ADCY4: variants seen among roughly 807,000 people sequenced by gnomAD.
The protein encoded by ADCY4 is adenylate cyclase 4.
In ADCY4, 111 loss-of-function variants were observed where a neutral mutation model predicts 125.5. The observed-to-expected ratio is 0.88, with a 90% CI of 0.76 to 1.04. The LOEUF is 1.04. ADCY4 is among the 50% of genes least tolerant of loss of function. ADCY4 has a pLI of 0.00. For synonymous variants in ADCY4, 576 were observed against 586.9 expected (o/e 0.98, Z 0.27); for missense variants, 1,256 against 1,382.9 (o/e 0.91, Z 1.46).
At chr14:24,332,307 C>T (rs1259689946) in intron 3 of ADCY4, 1 of 518,258 alleles carries the variant, frequency 1.9e-6, no homozygotes, top group Non-Finnish European at 3.3e-6. Flanking sequence ...GGGTAAACCA[C>T]GACACGACTC....
At chr14:24,325,307 G>A (rs2041924688) in intron 14 of ADCY4, 70 bp downstream of exon 14, 1 of 1,327,114 alleles carries the variant, frequency 7.5e-7, no homozygotes, top group Non-Finnish European at 1.1e-6. Flanking sequence ...AGAAAGTGTG[G>A]CCCGGGGTCA....
At position 24,322,049 on chromosome 14, in the gene ADCY4, A is replaced by G. The variant is rs1266509602; in HGVS notation, c.2586+17T>C. Reference sequence around the variant, plus strand: ...CTATGGCATCCGTGGCTCAGGAGTCAGGGGGTCAGGAGTCACCTCGTTGCG... The same window carrying G: ...CTATGGCATCCGTGGCTCAGGAGTCGGGGGGTCAGGAGTCACCTCGTTGCG... On this transcript the variant is annotated intron_variant, in intron 20 of 24. Transcript: ENST00000418030. 1 of 1,600,456 alleles carries G rather than the reference A, an allele frequency of 6.2e-7. No individual in the cohort carries two copies. Among genetic ancestry groups the G allele is most frequent in the East Asian group, 2.2e-5 (1 of 44,584 alleles).
Position 24,319,005 on chromosome 14 carries a change from A to G in ADCY4, c.2956+93T>C. 6.6e-7 allele frequency: 1 copy of G among 1,503,962 alleles called. No individual in the cohort carries two copies. The highest frequency in any genetic ancestry group is 9.2e-7 in the Non-Finnish European group (1 of 1,091,598). 93.2% of individuals were successfully genotyped at this position (1,503,962 alleles called of 1,614,324 possible). On this transcript the variant is annotated intron_variant, in intron 23 of 24. Transcript: ENST00000418030. This position sits in a 1 kb window ranked among gnomAD's most constrained non-coding sequence, Gnocchi z 4.5. ...AGTGAGTCAGGAAAGGGGCTTCAGG[A>G]TGAACTGGGAGCAGCTAACAAAGGA...
intron 6 of ADCY4, 47 bp downstream of exon 6, chr14:24,330,971 A>C (rs749815016): frequency 5.2e-6 from 8 of 1,534,726 alleles, no homozygotes; most frequent in Non-Finnish European, 4.4e-6. Context: ...GCTACCCAGG[A>C]TGGGATGTTT....
chr14:24,331,784 T>G lies in ADCY4; in HGVS notation c.669+4A>C, dbSNP rs1566440900. ...CTGCTCTGACCTTCCTAGGCCCGGC[T>G]GACCTGGTGCTTCTTCTCGGTGTCC... On this transcript the variant is annotated splice_donor_region_variant and intron_variant, in intron 4 of 24. Transcript: ENST00000418030. 1 of 1,574,588 alleles carries G rather than the reference T, an allele frequency of 6.4e-7. No individual in the cohort carries two copies. Among genetic ancestry groups the G allele is most frequent in the Non-Finnish European group, 8.7e-7 (1 of 1,153,920 alleles).
At position 24,319,139 on chromosome 14, in the gene ADCY4, A is replaced by G. The variant is rs1270582932; in HGVS notation, c.2915T>C (p.Val972Ala). The change falls in exon 23 of 25, where the codon GTC (valine) becomes GCC (alanine). Residue 972 changes from valine to alanine, a missense_variant. Val to Ala is a moderately conservative substitution (Grantham distance 64). Coordinates refer to ENST00000418030, the MANE Select transcript of ADCY4 (RefSeq NM_001198568.2). The surrounding 1 kb of genome is among the most constrained non-coding windows in gnomAD (Gnocchi z 4.5). ...GTTGTTGAATGAATGCTTGTTGATG[A>G]CGTCCAGCTTAGACCCCAGGGCCAC... ...FAVALGSKLD[V>A]INKHSFNNFR... 1.2e-6 allele frequency: 2 copies of G among 1,614,004 alleles called. No homozygotes were observed. Among genetic ancestry groups the G allele is most frequent in the Admixed American group, 1.7e-5 (1 of 60,020 alleles).
chr14:24,318,886 A>ACCCC, intron 23 of ADCY4, 108 bp from the exon 24 acceptor site: 1 of 1,518,582 alleles, frequency 6.6e-7, no homozygotes, highest in Non-Finnish European at 9.0e-7. Flanking sequence ...AGAGGAGAGG[A>ACCCC]GGGGTCTCTA....
intron 19 of ADCY4, 188 bp from the exon 20 acceptor site, chr14:24,322,412 G>C (rs2041866362): frequency 7.0e-6 from 6 of 859,938 alleles, no homozygotes; most frequent in Non-Finnish European, 1.1e-5. Context: ...TAGGGATAGA[G>C]AATTGGCAGC....
At chr14:24,318,832 G>C in intron 23 of ADCY4, 54 bp from the exon 24 acceptor site, 1 of 1,610,468 alleles carries the variant, frequency 6.2e-7, no homozygotes, top group African/African-American at 1.3e-5. Flanking sequence ...GGAAGAGGAA[G>C]CCACAAGGAA....
intron 14 of ADCY4, 129 bp from the exon 15 acceptor site, chr14:24,324,520 G>A: frequency 9.6e-7 from 1 of 1,046,948 alleles, no homozygotes. Flanking sequence ...TGGCGATGGG[G>A]TCCCGGCTGA....
chr14:24,332,110 A>T, intron 3 of ADCY4, 173 bp from the exon 4 acceptor site: 1 of 762,528 alleles, frequency 1.3e-6, no homozygotes, highest in East Asian at 3.3e-5. Context: ...CCCTTCCCAG[A>T]TGCTCCCTCC....
Position 24,325,817 on chromosome 14 carries a change from C to G in ADCY4, c.1725+1G>C, listed in dbSNP as rs780129000. ...TTGGTGCCACCCACACCACAGCCCA[C>G]CTCTTTCTCCATCTCCTTCTCTCTG... On this transcript the variant is annotated splice_donor_variant, in intron 13 of 24. Coordinates refer to ENST00000418030, the MANE Select transcript of ADCY4 (RefSeq NM_001198568.2). LOFTEE classifies it high-confidence loss of function. 6.5e-5 allele frequency: 103 copies of G among 1,594,226 alleles called. No individual in the cohort carries two copies. Among genetic ancestry groups the G allele is most frequent in the Non-Finnish European group, 8.6e-5 (101 of 1,168,222 alleles).
In ADCY4 at chr14:24,325,434, G is replaced by A. The variant is rs1372784890; in HGVS notation, c.1766C>T (p.Ala589Val). The A allele has an allele frequency of 6.2e-7, 1 of 1,613,756 alleles. No individual in the cohort carries two copies. Among genetic ancestry groups the A allele is most frequent in the Admixed American group, 1.7e-5 (1 of 59,974 alleles). The change falls in exon 14 of 25, where the codon GCC becomes GTC. Residue 589 changes from alanine to valine, a missense_variant. Physicochemically the swap from Ala to Val is moderately conservative, Grantham distance 64. Coordinates refer to ENST00000418030, the MANE Select transcript of ADCY4 (RefSeq NM_001198568.2). ...GGAGAGAAAAACCAGGAAGGTGCAG[G>A]CTTCATAGTATTTGAAGGCGGGGAT... ...SAIPAFKYYE[A>V]CTFLVFLSNF...
chr14:24,321,263 TA>T (rs1594649322), intron 20 of ADCY4, among the ~76,000 whole-genome samples: 1 of 134,712 alleles, frequency 7.4e-6, no homozygotes, highest in African/African-American at 2.8e-5. Flanking sequence ...AAAAAAAATA[TA>T]AAAAAAATTA....
At chr14:24,330,536 A>G in intron 6 of ADCY4, 2 of 501,936 alleles carry the variant, frequency 4.0e-6, no homozygotes, top group Non-Finnish European at 7.0e-6. Flanking sequence ...CACTTTTGGC[A>G]TGTTGAAGGG....
intron 10 of ADCY4, chr14:24,328,789 C>T (rs1451378970): frequency 6.8e-6 from 3 of 444,350 alleles, no homozygotes; most frequent in Non-Finnish European, 1.2e-5. Flanking sequence ...CAGGGAGAGA[C>T]CCACCGACCC....
At position 24,332,926 on chromosome 14, in the gene ADCY4, C is replaced by A; in HGVS notation, c.222G>T (p.Leu74=). 1.9e-6 allele frequency: 3 copies of A among 1,597,882 alleles called. No individual in the cohort carries two copies. The highest frequency in any genetic ancestry group is 2.2e-5 in the South Asian group (2 of 89,534). ...TVLCALGGFS[L]LLGLASREQR... Reference sequence around the variant, plus strand: ...GCTCCCGGGAAGCGAGGCCCAGCAGCAGCGAGAAGCCGCCCAGCGCGCACA... The same window carrying A: ...GCTCCCGGGAAGCGAGGCCCAGCAGAAGCGAGAAGCCGCCCAGCGCGCACA... Residue 74 remains leucine (L), a synonymous_variant, in exon 2 of 25, where the codon CTG becomes CTT. Coordinates refer to ENST00000418030, the MANE Select transcript of ADCY4 (RefSeq NM_001198568.2).
At chr14:24,332,720 G>A (rs762762837) in intron 2 of ADCY4, 37 bp from the exon 3 acceptor site, 1 of 1,564,814 alleles carries the variant, frequency 6.4e-7, no homozygotes, top group South Asian at 1.2e-5. Context: ...GGCCCAAGTG[G>A]GGCTATTCAA....
intron 20 of ADCY4, chr14:24,321,827 A>C: frequency 8.1e-7 from 1 of 1,239,292 alleles, no homozygotes; most frequent in Non-Finnish European, 1.0e-6. Context: ...GGCTTCTGGA[A>C]TGTATGGAAT....
Sources: allele counts gnomAD v4.1 joint callset (sites outside exome capture counted in the v4.1 genomes callset), GRCh38; gene constraint gnomAD v4.1.1; non-coding constraint Gnocchi (gnomAD v3.1); transcripts MANE v1.5; gene names NCBI Gene and HGNC (gene_info 2026-07-23, HGNC 2026-07-21).